SYT11: variants seen among roughly 807,000 people sequenced by gnomAD.
The protein encoded by SYT11 is synaptotagmin 11.
A neutral mutation model predicts 30.4 loss-of-function variants in SYT11; 12 were observed. The ratio of observed to expected loss-of-function variants is 0.39; its 90% CI spans 0.25 to 0.64. The LOEUF is 0.64. SYT11 is among the 30% of genes least tolerant of loss of function. SYT11 has a pLI of 0.45. For missense variants in SYT11, 412 were observed against 552.0 expected (o/e 0.75, Z 2.54); for synonymous variants, 204 against 216.0 (o/e 0.94, Z 0.49).
At chr1:155,875,249 CAAAAAAA>C in intron 2 of SYT11, among the ~76,000 whole-genome samples, 1 of 88,408 alleles carries the variant, frequency 1.1e-5, no homozygotes, top group South Asian at 4.0e-4. Context: ...GACTTCATCT[CAAAAAAA>C]AAAAAAAAAA....
At chr1:155,880,478 A>C (rs750107582) in intron 2 of SYT11, 22 bp from the exon 3 acceptor site, 2 of 1,612,614 alleles carry the variant, frequency 1.2e-6, no homozygotes, top group Non-Finnish European at 1.7e-6. Flanking sequence ...CAGGATTCTC[A>C]CCTGCCATTT....
chr1:155,879,135 G>A (rs1672920334), intron 2 of SYT11, among the ~76,000 whole-genome samples: 2 of 152,018 alleles, frequency 1.3e-5, no homozygotes, highest in Admixed American at 1.3e-4. Flanking sequence ...TTCTTGGAGG[G>A]GCCAGGCACG....
At chr1:155,874,478 T>TGTGACAGAGCGAGACTTCATCTCAAA (rs1553226161) in intron 2 of SYT11, among the ~76,000 whole-genome samples, 30 of 151,586 alleles carry the variant, frequency 2.0e-4, no homozygotes, top group South Asian at 2.1e-4. Flanking sequence ...CACATGCCTG[T>TGTGACAGAGCGAGACTTCATCTCAAA]AGTCCCATCT....
At chr1:155,879,826 C>A (rs1184995764) in intron 2 of SYT11, among the ~76,000 whole-genome samples, 1 of 152,226 alleles carries the variant, frequency 6.6e-6, no homozygotes, top group Non-Finnish European at 1.5e-5. Flanking sequence ...GTGGTAGGTA[C>A]AACCTTTCAC....
At chr1:155,872,175 G>T (rs1325704536) in intron 2 of SYT11, among the ~76,000 whole-genome samples, 2 of 152,248 alleles carry the variant, frequency 1.3e-5, no homozygotes, top group Non-Finnish European at 2.9e-5. Context: ...AAGGCGGGAA[G>T]CCCAGGAGTT....
chr1:155,864,242 C>T (rs1449966228), intron 1 of SYT11, among the ~76,000 whole-genome samples: 2 of 152,184 alleles, frequency 1.3e-5, no homozygotes, highest in East Asian at 1.9e-4. Flanking sequence ...TAAAATGAGA[C>T]GCTGTCTCAA....
rs1356929528 is a variant in SYT11 at position 155,859,914 on chromosome 1, T to A, written c.34+119T>A. 3 of 997,774 alleles carry A rather than the reference T, an allele frequency of 3.0e-6. No homozygotes were observed. The African/African-American group carries it at 4.8e-5, about 16-fold the overall frequency. 61.8% of individuals were successfully genotyped at this position (997,774 alleles called of 1,614,324 possible). A position where few individuals can be genotyped will look rare whatever the true frequency, so the allele number is the denominator to read the frequency against. The stretch of plus-strand genomic sequence containing the variant: ...AGAGCCTTCAAAATGCCAGCCCCAC[T>A]AAAATCGGGCCTGTGGTGGTGGGTA... On this transcript the variant is annotated intron_variant, in intron 1 of 3. Coordinates refer to ENST00000368324, the MANE Select transcript of SYT11 (RefSeq NM_152280.5).
Position 155,865,497 on chromosome 1 carries a change from G to A in SYT11, c.35-2468G>A, listed in dbSNP as rs191763640. 2.2e-3 allele frequency among the ~76,000 whole-genome samples: 341 copies of A among 151,888 alleles called. 2 individuals are homozygous for A. The highest frequency in any genetic ancestry group is 7.8e-3 in the African/African-American group (325 of 41,450). On this transcript the variant is annotated intron_variant, in intron 1 of 3. Coordinates refer to ENST00000368324, the MANE Select transcript of SYT11 (RefSeq NM_152280.5). ...ACAAAAATTAGCCGGACATGGTGGCGCATGCCTGTAATCCCAGCTACTCGG... is the reference window on the plus strand; with the variant it reads ...ACAAAAATTAGCCGGACATGGTGGCACATGCCTGTAATCCCAGCTACTCGG...
At chr1:155,880,670 A>C (rs745884160) in intron 3 of SYT11, 47 bp downstream of exon 3, 1 of 1,607,232 alleles carries the variant, frequency 6.2e-7, no homozygotes, top group South Asian at 1.1e-5. Flanking sequence ...ACCATCCCCG[A>C]CTCCTTGCCT....
chr1:155,862,496 G>A (rs146595521), intron 1 of SYT11, among the ~76,000 whole-genome samples: 7 of 152,270 alleles, frequency 4.6e-5, no homozygotes, highest in East Asian at 1.9e-4. Flanking sequence ...TCAAAGATGC[G>A]TTCATCTGTT....
chr1:155,871,248 C>G (rs1274078951), intron 2 of SYT11, among the ~76,000 whole-genome samples: 2 of 152,130 alleles, frequency 1.3e-5, no homozygotes, highest in Admixed American at 1.3e-4. Flanking sequence ...GTTTCATCCC[C>G]TTCTCTCCCC....
chr1:155,877,904 A>G (rs1366301825), intron 2 of SYT11, among the ~76,000 whole-genome samples: 1 of 152,086 alleles, frequency 6.6e-6, no homozygotes, highest in Non-Finnish European at 1.5e-5. Context: ...CCTCGACTTT[A>G]GCTCATTTTC....
intron 2 of SYT11, among the ~76,000 whole-genome samples, chr1:155,879,127 C>T (rs1447489412): frequency 6.6e-6 from 1 of 151,568 alleles, no homozygotes; most frequent in Non-Finnish European, 1.5e-5. Context: ...TTAAAATGTT[C>T]TTGGAGGGGC....
intron 2 of SYT11, among the ~76,000 whole-genome samples, chr1:155,877,324 G>T (rs1374875561): frequency 6.6e-6 from 1 of 151,052 alleles, no homozygotes; most frequent in Non-Finnish European, 1.5e-5. Flanking sequence ...GGCTGGTCTC[G>T]AACTCCTGAC....
chr1:155,865,484 C>T (rs1391603486), intron 1 of SYT11, among the ~76,000 whole-genome samples: 16 of 152,022 alleles, frequency 1.1e-4, no homozygotes, highest in African/African-American at 3.1e-4. Flanking sequence ...AAAAATTAGC[C>T]GGACATGGTG....
intron 1 of SYT11, among the ~76,000 whole-genome samples, chr1:155,862,517 T>C (rs1672609749): frequency 2.6e-5 from 4 of 152,246 alleles, no homozygotes; most frequent in African/African-American, 9.6e-5. Flanking sequence ...TCTCTTCTTT[T>C]CCTTCTCTAT....
chr1:155,884,923 A>C lies in SYT11; in HGVS notation c.*3415A>C, dbSNP rs1673043613. 1 of 152,752 alleles carries C rather than the reference A, an allele frequency of 6.5e-6. No homozygotes were observed. The allele number at this position is 152,752 out of a possible 1,614,324, so 9.5% of individuals were successfully genotyped here. On this transcript the variant is annotated 3_prime_UTR_variant, in exon 4 of 4. Transcript: ENST00000368324. ...AGGTCCCTTTTCTTGGAAGGCTTGT[A>C]CTATGGCCATGACAGTGACATTGCC...
At chr1:155,877,199 A>T (rs1485254457) in intron 2 of SYT11, among the ~76,000 whole-genome samples, 1 of 151,660 alleles carries the variant, frequency 6.6e-6, no homozygotes, top group Non-Finnish European at 1.5e-5. Context: ...CAATCTCCTG[A>T]CCTCGTGATC....
At chr1:155,866,858 G>A (rs1037736323) in intron 1 of SYT11, among the ~76,000 whole-genome samples, 51 of 151,648 alleles carry the variant, frequency 3.4e-4, no homozygotes, top group African/African-American at 1.2e-3. Flanking sequence ...ATAATGAAAA[G>A]AGAAAGTCTC....
Sources: allele counts gnomAD v4.1 joint callset (sites outside exome capture counted in the v4.1 genomes callset), GRCh38; gene constraint gnomAD v4.1.1; transcripts MANE v1.5; gene names NCBI Gene and HGNC (gene_info 2026-07-23, HGNC 2026-07-21).